The following RFX3 variants were observed in gnomAD, a reference collection of about 807,000 sequenced individuals.
RFX3 encodes regulatory factor X3, also known as transcription factor RFX3.
Under a neutral mutation model 98.6 loss-of-function variants are expected in RFX3, and 14 were observed. The ratio of observed to expected loss-of-function variants is 0.14; its 90% CI spans 0.09 to 0.22. RFX3 has a LOEUF of 0.22. RFX3 is among the 10% of genes least tolerant of loss of function. The pLI is 1.00. For missense variants in RFX3, 639 were observed against 926.9 expected, an observed-to-expected ratio of 0.69 and a Z score of 4.03; for synonymous variants, 383 against 328.4, an observed-to-expected ratio of 1.17 and a Z score of -1.80.
intron 13 of RFX3, among the ~76,000 whole-genome samples, chr9:3,261,497 A>G (rs763331180): frequency 1.3e-5 from 2 of 152,142 alleles, no homozygotes; most frequent in African/African-American, 4.8e-5. Context: ...TTATTGCCCA[A>G]TAATATTCCA....
intron 1 of RFX3, among the ~76,000 whole-genome samples, chr9:3,483,173 C>A (rs898129031): frequency 1.3e-5 from 2 of 152,036 alleles, no homozygotes; most frequent in African/African-American, 4.8e-5. Flanking sequence ...TGAGTATCAC[C>A]CAGATACACC....
chr9:3,399,966 A>C (rs1323490604), intron 1 of RFX3, among the ~76,000 whole-genome samples: 1 of 151,966 alleles, frequency 6.6e-6, no homozygotes, highest in Non-Finnish European at 1.5e-5. Flanking sequence ...AAAAAAAGAA[A>C]ATTGCTTTTT....
At chr9:3,519,310 T>A in intron 1 of RFX3, among the ~76,000 whole-genome samples, 1 of 152,302 alleles carries the variant, frequency 6.6e-6, no homozygotes, top group East Asian at 1.9e-4. Context: ...AAGCCTGTGA[T>A]TGGCAGCTTG....
intron 1 of RFX3, among the ~76,000 whole-genome samples, chr9:3,515,156 G>A (rs1178229821): frequency 6.6e-6 from 1 of 152,064 alleles, no homozygotes; most frequent in African/African-American, 2.4e-5. Flanking sequence ...TAGATTTAAG[G>A]CATCACTACT....
At chr9:3,421,019 CAAAAAA>C in intron 1 of RFX3, 3 of 180,208 alleles carry the variant, frequency 1.7e-5, no homozygotes, top group Non-Finnish European at 2.6e-5. Context: ...TACTATGTGC[CAAAAAA>C]AAAAAAAAAA....
At chr9:3,267,363 A>T (rs921622925) in intron 11 of RFX3, among the ~76,000 whole-genome samples, 22 of 152,074 alleles carry the variant, frequency 1.4e-4, no homozygotes, top group African/African-American at 5.3e-4. Context: ...CAGGAATATT[A>T]ATATTACGGA....
At chr9:3,460,417 A>AT (rs906540483) in intron 1 of RFX3, among the ~76,000 whole-genome samples, 3 of 152,036 alleles carry the variant, frequency 2.0e-5, no homozygotes, top group Admixed American at 2.0e-4. Flanking sequence ...ACAACATCAC[A>AT]TAATAGATTT....
intron 3 of RFX3, among the ~76,000 whole-genome samples, chr9:3,337,061 G>T (rs1308897950): frequency 1.3e-5 from 2 of 152,160 alleles, no homozygotes; most frequent in Non-Finnish European, 2.9e-5. Context: ...TTTGGGCTGG[G>T]ATAGTGGTAA....
chr9:3,292,714 A>G (rs1401436295), intron 6 of RFX3, among the ~76,000 whole-genome samples: 1 of 147,300 alleles, frequency 6.8e-6, no homozygotes, highest in Admixed American at 6.7e-5. Flanking sequence ...CATTAGTATG[A>G]TTTCTTTCAA....
chr9:3,385,024 T>G (rs1839558202), intron 2 of RFX3, among the ~76,000 whole-genome samples: 2 of 152,186 alleles, frequency 1.3e-5, no homozygotes, highest in Non-Finnish European at 2.9e-5. Flanking sequence ...GACCTTAAAG[T>G]TTACCTTTCT....
chr9:3,386,814 CAT>C (rs1378177622), intron 2 of RFX3, among the ~76,000 whole-genome samples: 1 of 152,080 alleles, frequency 6.6e-6, no homozygotes, highest in East Asian at 1.9e-4. Context: ...TAGACAAGTA[CAT>C]ATGTCTCTTA....
rs749298221 is a variant in RFX3 at position 3,275,512 on chromosome 9, T to C, written c.1074A>G (p.Arg358=). The change falls in exon 9 of 17, where the codon AGA becomes AGG. Residue 358 remains arginine, a synonymous_variant. Coordinates refer to ENST00000617270, the MANE Select transcript of RFX3 (RefSeq NM_001282116.2). ...TGAAAAGACTTACCTCACAGTGCTC[T>C]CTATAAAGACTCTGCAGTGACTTGA... is the stretch of plus-strand genomic sequence containing the variant. ...EDIKSLQSLY[R]EHCEAILDVV... 10 of 1,592,578 alleles carry C rather than the reference T, an allele frequency of 6.3e-6. No homozygotes were observed. The highest frequency in any genetic ancestry group is 7.8e-6 in the Non-Finnish European group (9 of 1,161,252).
intron 14 of RFX3, among the ~76,000 whole-genome samples, chr9:3,250,971 C>G (rs1483969103): frequency 6.6e-6 from 1 of 152,036 alleles, no homozygotes; most frequent in African/African-American, 2.4e-5. Flanking sequence ...ATGTTTATAT[C>G]CTTTTACTTG....
chr9:3,232,066 G>GCAAA (rs1049399959), intron 15 of RFX3, among the ~76,000 whole-genome samples: 2 of 21,530 alleles, frequency 9.3e-5, no homozygotes, highest in Non-Finnish European at 2.4e-4. Context: ...AAGCAAGCAA[G>GCAAA]CAAGCAAACA....
intron 4 of RFX3, among the ~76,000 whole-genome samples, chr9:3,304,602 A>G (rs772655527): frequency 1.3e-4 from 20 of 152,076 alleles, no homozygotes; most frequent in Non-Finnish European, 2.4e-4. Flanking sequence ...GGTTTCCCCA[A>G]TACTGTTCTT....
At chr9:3,287,433 G>A (rs548671514) in intron 7 of RFX3, among the ~76,000 whole-genome samples, 17 of 152,066 alleles carry the variant, frequency 1.1e-4, no homozygotes, top group African/African-American at 4.1e-4. Flanking sequence ...CATGGGACTA[G>A]AAGGCCCTTA....
chr9:3,474,836 C>A (rs576687591), intron 1 of RFX3, among the ~76,000 whole-genome samples: 1 of 152,164 alleles, frequency 6.6e-6, no homozygotes, highest in African/African-American at 2.4e-5. Context: ...GTGGCTCATG[C>A]CTGTAATCTC....
At chr9:3,477,843 T>C (rs928534490) in intron 1 of RFX3, among the ~76,000 whole-genome samples, 1 of 152,212 alleles carries the variant, frequency 6.6e-6, no homozygotes, top group Non-Finnish European at 1.5e-5. Context: ...CATTTTTCTT[T>C]CTGATCCTCA....
intron 1 of RFX3, among the ~76,000 whole-genome samples, chr9:3,410,498 A>G (rs1282952099): frequency 6.6e-6 from 1 of 152,168 alleles, no homozygotes; most frequent in African/African-American, 2.4e-5. Flanking sequence ...AAAAAGCAAA[A>G]TTCAACACAA....
Sources: allele counts gnomAD v4.1 joint callset (sites outside exome capture counted in the v4.1 genomes callset), GRCh38; gene constraint gnomAD v4.1.1; transcripts MANE v1.5; gene names NCBI Gene and HGNC (gene_info 2026-07-23, HGNC 2026-07-21).